GNG7: variants seen among roughly 807,000 people sequenced by gnomAD.
GNG7 encodes the protein guanine nucleotide-binding protein G(I)/G(S)/G(O) subunit gamma-7.
A neutral mutation model predicts 4.0 loss-of-function variants in GNG7; 1 was observed. The observed-to-expected ratio is 0.25, with a 90% CI of 0.09 to 1.18. The LOEUF (loss-of-function observed/expected upper bound fraction) is 1.18, where lower values mean the gene tolerates loss of function less well. Ranked by LOEUF, GNG7 falls within the 50% of genes most tolerant of loss-of-function variation. The pLI, the probability that GNG7 is intolerant of heterozygous loss-of-function variation, is 0.50. For synonymous variants in GNG7, 34 were observed against 36.9 expected, an observed-to-expected ratio of 0.92 and a Z score of 0.29; for missense variants, 86 against 91.9, an observed-to-expected ratio of 0.94 and a Z score of 0.26.
chr19:2,592,845 A>AGGGAGAGAGGC (rs908377961), intron 2 of GNG7, among the ~76,000 whole-genome samples: 1 of 139,686 alleles, frequency 7.2e-6, no homozygotes. Flanking sequence ...GGAGGGAGAG[A>AGGGAGAGAGGC]GGGAGAGAGG....
chr19:2,651,575 C>T (rs2317242), intron 1 of GNG7, among the ~76,000 whole-genome samples: 53,601 of 124,648 alleles, frequency 0.43, 11,780 homozygotes, highest in East Asian at 0.52. Flanking sequence ...CTCTCTCTCT[C>T]TTTTTTTTTT....
At chr19:2,601,091 C>T (rs1410492079) in intron 2 of GNG7, among the ~76,000 whole-genome samples, 4 of 151,974 alleles carry the variant, frequency 2.6e-5, no homozygotes, top group South Asian at 2.1e-4. Flanking sequence ...GCTAGGATCA[C>T]GCCACTACAC....
chr19:2,677,564 G>A (rs1191940998), intron 1 of GNG7, among the ~76,000 whole-genome samples: 3 of 152,012 alleles, frequency 2.0e-5, no homozygotes, highest in Non-Finnish European at 2.9e-5. Context: ...CCGATGGGGT[G>A]GATGGCAGAA....
At chr19:2,650,278 C>G (rs1043094164) in intron 1 of GNG7, among the ~76,000 whole-genome samples, 1 of 151,398 alleles carries the variant, frequency 6.6e-6, no homozygotes, top group Non-Finnish European at 1.5e-5. Flanking sequence ...CTCCACCTCC[C>G]GAGTTCAAGC....
At chr19:2,658,727 G>A (rs556462215) in intron 1 of GNG7, among the ~76,000 whole-genome samples, 69 of 152,040 alleles carry the variant, frequency 4.5e-4, no homozygotes, top group Middle Eastern at 3.4e-3. Context: ...CACACCAAAT[G>A]TAAACTGTAG....
At chr19:2,603,687 G>A (rs1057486867) in intron 2 of GNG7, among the ~76,000 whole-genome samples, 3 of 152,154 alleles carry the variant, frequency 2.0e-5, no homozygotes, top group Non-Finnish European at 4.4e-5. Flanking sequence ...CCTGCAGCTA[G>A]GAGGATCATT....
In GNG7 at chr19:2,513,098, G is replaced by T. The variant is rs535587793; in HGVS notation, c.*1924C>A. On this transcript the variant is annotated 3_prime_UTR_variant, in exon 5 of 5. Coordinates refer to ENST00000382159, the MANE Select transcript of GNG7 (RefSeq NM_052847.3). ...CGGCTGTGGCCTGTGGGAGCTGCCCGAGGTTGAGGAGTGGAGGTCACTCCC... is the reference window on the plus strand; with the variant it reads ...CGGCTGTGGCCTGTGGGAGCTGCCCTAGGTTGAGGAGTGGAGGTCACTCCC... The T allele has an allele frequency of 2.0e-6, 2 of 985,564 alleles. No homozygotes were observed. The highest frequency in any genetic ancestry group is 1.1e-4 in the East Asian group (1 of 8,802). 61.1% of individuals were successfully genotyped at this position (985,564 alleles called of 1,614,324 possible).
intron 3 of GNG7, among the ~76,000 whole-genome samples, chr19:2,545,108 G>C (rs952673485): frequency 6.6e-5 from 10 of 151,984 alleles, no homozygotes; most frequent in African/African-American, 1.9e-4. Context: ...GAGTCTCTTG[G>C]GGGTCCGTGG....
At chr19:2,563,734 G>A (rs1356969290) in intron 2 of GNG7, among the ~76,000 whole-genome samples, 1 of 151,570 alleles carries the variant, frequency 6.6e-6, no homozygotes, top group Non-Finnish European at 1.5e-5. Flanking sequence ...TGCCCACCTC[G>A]GCCTCCCAAA....
intron 2 of GNG7, among the ~76,000 whole-genome samples, chr19:2,577,189 C>T (rs1044792595): frequency 1.3e-5 from 2 of 152,188 alleles, no homozygotes; most frequent in Admixed American, 6.5e-5. Context: ...CCACTTAGTA[C>T]GTCACGGTTT....
intron 3 of GNG7, among the ~76,000 whole-genome samples, chr19:2,524,928 G>A (rs1052564243): frequency 1.3e-5 from 2 of 152,162 alleles, no homozygotes; most frequent in African/African-American, 2.4e-5. Context: ...GCGCACGGGA[G>A]TGCATGTGGA....
In GNG7 at chr19:2,568,140, T is replaced by C. The variant is rs561107892; in HGVS notation, c.-77-12952A>G. On this transcript the variant is annotated intron_variant, in intron 2 of 4. Coordinates refer to ENST00000382159, the MANE Select transcript of GNG7 (RefSeq NM_052847.3). ...ACACACATATAGACATACACACATA[T>C]ACACATGCACACACATACACATACA... is the stretch of plus-strand genomic sequence containing the variant. Among the ~76,000 whole-genome samples the C allele has an allele frequency of 1.0e-3, 149 of 144,406 alleles. 1 individual carries two copies. The highest frequency in any genetic ancestry group is 3.5e-3 in the African/African-American group (135 of 38,352). The allele number at this position is 144,406 out of a possible 152,430, so 94.7% of individuals were successfully genotyped here. A position where few individuals can be genotyped will look rare whatever the true frequency, so the allele number is the denominator to read the frequency against.
chr19:2,568,389 AAC>A (rs1980009632), intron 2 of GNG7, among the ~76,000 whole-genome samples: 5 of 120,882 alleles, frequency 4.1e-5, no homozygotes, highest in Admixed American at 1.7e-4. Flanking sequence ...ACACATATAC[AAC>A]ACAAACACAC....
At chr19:2,686,611 G>A (rs1245034876) in intron 1 of GNG7, among the ~76,000 whole-genome samples, 8 of 152,206 alleles carry the variant, frequency 5.3e-5, no homozygotes, top group African/African-American at 1.4e-4. Context: ...CCAATCAGAA[G>A]GGAGATGTCT....
At chr19:2,525,970 A>ATTTTTTTT (rs1568231777) in intron 3 of GNG7, among the ~76,000 whole-genome samples, 9 of 26,786 alleles carry the variant, frequency 3.4e-4, no homozygotes, top group African/African-American at 2.6e-3. Context: ...CCTCCACGCC[A>ATTTTTTTT]ATTTTTTTTT....
intron 3 of GNG7, among the ~76,000 whole-genome samples, chr19:2,531,493 C>T (rs956882163): frequency 8.6e-5 from 13 of 151,996 alleles, no homozygotes; most frequent in African/African-American, 3.1e-4. Flanking sequence ...ATAATACGAT[C>T]CCAGGCCTCA....
At chr19:2,539,067 A>G (rs1042202993) in intron 3 of GNG7, among the ~76,000 whole-genome samples, 3 of 152,118 alleles carry the variant, frequency 2.0e-5, no homozygotes, top group African/African-American at 7.2e-5. Flanking sequence ...CACGGCACCC[A>G]GCCCTAGATT....
intron 2 of GNG7, among the ~76,000 whole-genome samples, chr19:2,577,853 T>G (rs963060230): frequency 1.3e-5 from 2 of 151,620 alleles, no homozygotes; most frequent in Non-Finnish European, 2.9e-5. Context: ...CCTTTTTTTT[T>G]TTTTTTGAGA....
intron 2 of GNG7, among the ~76,000 whole-genome samples, chr19:2,579,391 G>A (rs957133646): frequency 6.6e-6 from 1 of 152,206 alleles, no homozygotes; most frequent in Non-Finnish European, 1.5e-5. Context: ...CCAGACCTGC[G>A]CCCTGGCCAT....
Sources: allele counts gnomAD v4.1 joint callset (sites outside exome capture counted in the v4.1 genomes callset), GRCh38; gene constraint gnomAD v4.1.1; transcripts MANE v1.5; gene names NCBI Gene and HGNC (gene_info 2026-07-23, HGNC 2026-07-21).